DMD: variants seen among roughly 807,000 people sequenced by gnomAD.
The protein encoded by DMD is dystrophin, also known as mutant dystrophin.
In DMD, 63 loss-of-function variants were observed where a neutral mutation model predicts 330.1. That is an observed-to-expected ratio of 0.19 (90% CI 0.16 to 0.24). The LOEUF (loss-of-function observed/expected upper bound fraction) is 0.24, where lower values mean the gene tolerates loss of function less well. DMD is among the 10% of genes least tolerant of loss of function. DMD has a pLI of 1.00. For synonymous variants in DMD, 1,223 were observed against 959.8 expected (o/e 1.27, Z -5.07); for missense variants, 3,344 against 2,684.1 (o/e 1.25, Z -5.43).
chrX:31,810,608 G>A (rs193157728), intron 50 of DMD, among the ~76,000 whole-genome samples: 1,581 of 111,599 alleles, frequency 0.014, 16 homozygotes, highest in Middle Eastern at 0.037. Context: ...TGAGATAGTG[G>A]AAAAGAAAGA....
chrX:32,559,543 A>C (rs1158794421), intron 16 of DMD, among the ~76,000 whole-genome samples: 1 of 111,757 alleles, frequency 8.9e-6, no homozygotes, highest in Non-Finnish European at 1.9e-5. Context: ...ACCATTTGCA[A>C]CTATATCCCC....
intron 51 of DMD, among the ~76,000 whole-genome samples, chrX:31,760,232 T>C (rs924893425): frequency 3.6e-5 from 4 of 112,282 alleles, no homozygotes; most frequent in Non-Finnish European, 7.5e-5. Context: ...GAAATGATAG[T>C]ATATTTCCTA....
At chrX:32,654,849 G>A (rs2060442272) in intron 9 of DMD, among the ~76,000 whole-genome samples, 2 of 111,348 alleles carry the variant, frequency 1.8e-5, no homozygotes, top group Admixed American at 1.9e-4. Context: ...GGTCTATTCA[G>A]GGATTCAACT....
intron 7 of DMD, among the ~76,000 whole-genome samples, chrX:32,793,763 T>TA (rs1245796865): frequency 1.8e-5 from 2 of 111,566 alleles, no homozygotes; most frequent in Admixed American, 1.9e-4. Flanking sequence ...TCAGTAATCT[T>TA]AAAAAATTTC....
chrX:33,313,071 T>A, intron 1 of DMD, among the ~76,000 whole-genome samples: 1 of 111,804 alleles, frequency 8.9e-6, no homozygotes, highest in South Asian at 3.8e-4. Context: ...GCTGGGAACA[T>A]GTGTGGTGGG....
At chrX:31,271,388 G>A (rs1048983615) in intron 62 of DMD, among the ~76,000 whole-genome samples, 2 of 111,491 alleles carry the variant, frequency 1.8e-5, no homozygotes, top group African/African-American at 6.5e-5. Context: ...ATCTAGTGGA[G>A]GCTGTGAAGG....
chrX:32,162,034 G>A (rs1391736216), intron 44 of DMD, among the ~76,000 whole-genome samples: 2 of 111,361 alleles, frequency 1.8e-5, no homozygotes, highest in Non-Finnish European at 3.8e-5. Context: ...AAAAGGTGAG[G>A]GAGAGCATTA....
chrX:32,621,169 T>G (rs1184189791), intron 11 of DMD, among the ~76,000 whole-genome samples: 1 of 111,478 alleles, frequency 9.0e-6, no homozygotes, highest in Admixed American at 9.5e-5. Context: ...ACTGGACAAC[T>G]GTGAAGACTG....
intron 12 of DMD, among the ~76,000 whole-genome samples, chrX:32,605,087 G>C (rs1219785538): frequency 1.8e-5 from 2 of 110,688 alleles, no homozygotes; most frequent in East Asian, 5.7e-4. Flanking sequence ...AGCCCAAATA[G>C]TCAAAGCAAT....
At chrX:31,689,879 C>T (rs2082987165) in intron 52 of DMD, among the ~76,000 whole-genome samples, 1 of 111,723 alleles carries the variant, frequency 9.0e-6, no homozygotes, top group Admixed American at 9.5e-5. Context: ...AAAGGATTCC[C>T]TATTTAATAA....
chrX:33,107,483 C>CA (rs2095301781), intron 1 of DMD, among the ~76,000 whole-genome samples: 1 of 110,678 alleles, frequency 9.0e-6, no homozygotes, highest in Admixed American at 9.7e-5. Flanking sequence ...TAGGATAGGG[C>CA]ACTGGAAATA....
At chrX:32,186,092 T>A (rs1464293333) in intron 44 of DMD, among the ~76,000 whole-genome samples, 1 of 111,144 alleles carries the variant, frequency 9.0e-6, no homozygotes, top group African/African-American at 3.3e-5. Context: ...ATGATTGAGC[T>A]AACCCAAGAA....
At chrX:32,389,949 C>A (rs2097989434) in intron 31 of DMD, 122 bp downstream of exon 31, 4 of 600,053 alleles carry the variant, frequency 6.7e-6, no homozygotes, top group Non-Finnish European at 1.1e-5. Context: ...GTTTAGACAT[C>A]AAATTATAGT....
intron 43 of DMD, among the ~76,000 whole-genome samples, chrX:32,257,124 C>T (rs1263371115): frequency 8.9e-6 from 1 of 111,740 alleles, no homozygotes; most frequent in Non-Finnish European, 1.9e-5. Flanking sequence ...TGAAGGACCT[C>T]TTCAAGGAGA....
chrX:32,849,639 C>T (rs1338157683), intron 3 of DMD, 89 bp downstream of exon 3: 1 of 685,557 alleles, frequency 1.5e-6, no homozygotes, highest in Non-Finnish European at 2.4e-6. Context: ...CCTAGTCATT[C>T]TACTAGATGT....
At chrX:31,850,900 C>T (rs888211580) in intron 48 of DMD, among the ~76,000 whole-genome samples, 2 of 112,157 alleles carry the variant, frequency 1.8e-5, no homozygotes, top group Admixed American at 9.4e-5. Flanking sequence ...TATAAATGTG[C>T]CCTGGTCGCA....
chrX:32,763,763 T>C, intron 7 of DMD, among the ~76,000 whole-genome samples: 1 of 111,782 alleles, frequency 8.9e-6, no homozygotes, highest in South Asian at 3.7e-4. Flanking sequence ...AAAAAAGCAG[T>C]AGCGATAAAA....
intron 55 of DMD, among the ~76,000 whole-genome samples, chrX:31,561,006 A>AC (rs2075165218): frequency 9.0e-6 from 1 of 111,488 alleles, no homozygotes; most frequent in South Asian, 3.8e-4. Context: ...CCTAACCCTC[A>AC]CATTGTTTGA....
intron 63 of DMD, among the ~76,000 whole-genome samples, chrX:31,244,937 A>G (rs935301632): frequency 2.7e-5 from 3 of 111,885 alleles, no homozygotes; most frequent in South Asian, 7.5e-4. Context: ...CTGTTGCCCT[A>G]AAGTTTGAAA....
Sources: gnomAD v4.1 joint callset for allele counts (sites outside exome capture counted in the v4.1 genomes callset) on GRCh38, gnomAD v4.1.1 for gene constraint, MANE v1.5 for transcripts, NCBI Gene and HGNC (gene_info 2026-07-23, HGNC 2026-07-21) for gene names.